GSG1L: variants seen among roughly 807,000 people sequenced by gnomAD.
GSG1L encodes GSG1 like.
Under a neutral mutation model 42.1 loss-of-function variants are expected in GSG1L, and 24 were observed. The observed-to-expected ratio is 0.57, with a 90% confidence interval of 0.41 to 0.80. The LOEUF (loss-of-function observed/expected upper bound fraction) is 0.80, where lower values mean the gene tolerates loss of function less well. Among genes scored for constraint, GSG1L ranks in the 30% least tolerant of loss-of-function variants. The pLI, the probability that GSG1L is intolerant of heterozygous loss-of-function variation, is 0.00. For synonymous variants in GSG1L, 215 were observed against 203.5 expected (o/e 1.06, Z -0.48); for missense variants, 445 against 472.2 (o/e 0.94, Z 0.53).
chr16:27,999,189 T>C (rs941701148), intron 1 of GSG1L, among the ~76,000 whole-genome samples: 1 of 152,208 alleles, frequency 6.6e-6, no homozygotes, highest in Non-Finnish European at 1.5e-5. Flanking sequence ...ACACGTGTAA[T>C]CCCAGAACTT....
At chr16:27,920,173 C>T (rs534683100) in intron 2 of GSG1L, among the ~76,000 whole-genome samples, 29 of 152,320 alleles carry the variant, frequency 1.9e-4, no homozygotes, top group African/African-American at 6.7e-4. Context: ...CACATCCAGG[C>T]TCCTAAAACA....
intron 1 of GSG1L, among the ~76,000 whole-genome samples, chr16:27,976,535 A>G (rs1472782137): frequency 6.6e-6 from 1 of 152,194 alleles, no homozygotes; most frequent in African/African-American, 2.4e-5. Context: ...TGAGACAGAA[A>G]TTGAATCTTG....
At chr16:27,833,582 A>G (rs1014407676) in intron 4 of GSG1L, among the ~76,000 whole-genome samples, 4 of 152,190 alleles carry the variant, frequency 2.6e-5, no homozygotes, top group African/African-American at 4.8e-5. Flanking sequence ...AACATAGTAT[A>G]TCTACCCATT....
chr16:27,906,448 C>CT (rs1386988269), intron 2 of GSG1L, among the ~76,000 whole-genome samples: 1 of 152,120 alleles, frequency 6.6e-6, no homozygotes, highest in African/African-American at 2.4e-5. Flanking sequence ...GAAAAGCTGG[C>CT]GTGTGGCCTT....
chr16:27,963,083 G>T, intron 2 of GSG1L, 73 bp downstream of exon 2: 2 of 1,307,676 alleles, frequency 1.5e-6, no homozygotes, highest in South Asian at 1.2e-5. Context: ...CAGGGCTTTG[G>T]GGAGCCACCA....
chr16:27,817,057 T>C (rs879458136), intron 5 of GSG1L, among the ~76,000 whole-genome samples: 14 of 152,074 alleles, frequency 9.2e-5, no homozygotes, highest in Non-Finnish European at 1.8e-4. Flanking sequence ...AAAAGGCGGA[T>C]GAAGGCAAGT....
At position 27,958,232 on chromosome 16, in the gene GSG1L, C is replaced by T. The variant is rs572005196; in HGVS notation, c.397+4924G>A. Among the ~76,000 whole-genome samples the T allele has an allele frequency of 6.6e-5, 10 of 151,846 alleles. No homozygotes were observed. The East Asian group carries it at 1.8e-3, about 27-fold the overall frequency. On this transcript the variant is annotated intron_variant, in intron 2 of 6. Transcript: ENST00000447459. ...CCAGCCTGACCAAATTGGTGAAACC[C>T]TGTCTCTACTAAAAATACAAAAATT...
intron 3 of GSG1L, among the ~76,000 whole-genome samples, chr16:27,846,683 G>A (rs570259311): frequency 6.6e-5 from 10 of 152,246 alleles, no homozygotes; most frequent in South Asian, 2.1e-4. Context: ...GGCCGGGCAC[G>A]GTGGCTCATG....
intron 4 of GSG1L, among the ~76,000 whole-genome samples, chr16:27,841,170 G>GAC (rs1188893709): frequency 6.6e-6 from 1 of 152,176 alleles, no homozygotes; most frequent in African/African-American, 2.4e-5. Context: ...TCCAGCTGAG[G>GAC]ACACAGAGGT....
chr16:27,835,210 G>A (rs1305872863), intron 4 of GSG1L, among the ~76,000 whole-genome samples: 1 of 151,916 alleles, frequency 6.6e-6, no homozygotes, highest in Non-Finnish European at 1.5e-5. Context: ...ACATATTTAG[G>A]ATTGCAATGT....
At chr16:27,997,918 G>A (rs1377469248) in intron 1 of GSG1L, among the ~76,000 whole-genome samples, 4 of 139,458 alleles carry the variant, frequency 2.9e-5, no homozygotes, top group Admixed American at 7.6e-5. Flanking sequence ...GGAGTGCAGC[G>A]GCACGATCTT....
intron 1 of GSG1L, among the ~76,000 whole-genome samples, chr16:28,031,347 G>A (rs998218795): frequency 2.1e-5 from 3 of 145,082 alleles, no homozygotes; most frequent in Non-Finnish European, 4.6e-5. Flanking sequence ...GGATGGGATT[G>A]GATGAGATGG....
chr16:27,947,389 A>G (rs992051944), intron 2 of GSG1L, among the ~76,000 whole-genome samples: 12 of 56,410 alleles, frequency 2.1e-4, no homozygotes, highest in African/African-American at 7.9e-4. Context: ...AAAGAAAAAG[A>G]AAGAAAGAAA....
intron 3 of GSG1L, among the ~76,000 whole-genome samples, chr16:27,879,665 A>G (rs1169564852): frequency 6.6e-6 from 1 of 152,140 alleles, no homozygotes; most frequent in African/African-American, 2.4e-5. Flanking sequence ...TAATATTTGC[A>G]TCTAACCTAC....
At chr16:27,889,730 T>A (rs1019663962) in intron 2 of GSG1L, among the ~76,000 whole-genome samples, 1 of 152,174 alleles carries the variant, frequency 6.6e-6, no homozygotes, top group African/African-American at 2.4e-5. Flanking sequence ...CACCCCTTGC[T>A]TTCTGTTCTC....
chr16:28,007,883 A>G (rs2085663916), intron 1 of GSG1L, among the ~76,000 whole-genome samples: 1 of 152,268 alleles, frequency 6.6e-6, no homozygotes, highest in Admixed American at 6.5e-5. Flanking sequence ...GGCAGATGCA[A>G]TTGACAGCAA....
intron 1 of GSG1L, among the ~76,000 whole-genome samples, chr16:28,024,412 C>T (rs755972741): frequency 2.6e-5 from 4 of 152,160 alleles, no homozygotes; most frequent in Non-Finnish European, 5.9e-5. Context: ...GGGCCACTGC[C>T]GGGTTCTCAG....
At position 27,984,737 on chromosome 16, in the gene GSG1L, T is replaced by C. The variant is rs915739075; in HGVS notation, c.350-21534A>G. 4.6e-5 allele frequency among the ~76,000 whole-genome samples: 7 copies of C among 152,172 alleles called. No individual in the cohort carries two copies. The South Asian group carries it at 1.2e-3, about 27-fold the overall frequency. ...CTGTTTGGTGTCTTTTCTGTTGGTA[T>C]AATTTTTATTTTTTTCCTTTCTTTT... On this transcript the variant is annotated intron_variant, in intron 1 of 6. Coordinates refer to ENST00000447459, the MANE Select transcript of GSG1L (RefSeq NM_001109763.2).
chr16:27,995,883 AACACACACACACACAC>A (rs3033625), intron 1 of GSG1L, among the ~76,000 whole-genome samples: 2 of 145,224 alleles, frequency 1.4e-5, no homozygotes, highest in Non-Finnish European at 3.0e-5. Context: ...TACTGATTAA[AACACACACACACACAC>A]ACACACACAC....
Sources: allele counts gnomAD v4.1 joint callset (sites outside exome capture counted in the v4.1 genomes callset), GRCh38; gene constraint gnomAD v4.1.1; transcripts MANE v1.5; gene names NCBI Gene and HGNC (gene_info 2026-07-23, HGNC 2026-07-21).